Variants in PIP4K2A observed in about 807,000 individuals in gnomAD.
PIP4K2A encodes phosphatidylinositol 5-phosphate 4-kinase type-2 alpha.
PIP4K2A carries 14 observed loss-of-function variants against 42.9 expected under a neutral mutation model. That is an observed-to-expected ratio of 0.33 (90% CI 0.22 to 0.51). The LOEUF (loss-of-function observed/expected upper bound fraction) is 0.51, where lower values mean the gene tolerates loss of function less well. PIP4K2A is among the 20% of genes least tolerant of loss of function. The probability of loss-of-function intolerance (pLI) is 0.97; values close to 1 mark genes in which losing one functional copy is unlikely to be tolerated. For missense variants in PIP4K2A, 434 were observed against 519.8 expected, an observed-to-expected ratio of 0.83 and a Z score of 1.61; for synonymous variants, 192 against 192.2, an observed-to-expected ratio of 1.00 and a Z score of 0.01.
rs961427877 is a variant in PIP4K2A, at chr10:22,536,946, C to T, written c.*255G>A. The stretch of plus-strand genomic sequence containing the variant: ...TTATGACTTTTAAAATGCACACGCG[C>T]GCACACACTCACCCCCCCCCAACAC... On this transcript the variant is annotated 3_prime_UTR_variant, in exon 10 of 10. Transcript: ENST00000376573. The T allele has an allele frequency of 3.0e-5, 12 of 402,546 alleles. No homozygotes were observed. The highest frequency in any genetic ancestry group is 9.8e-5 in the South Asian group (3 of 30,692). 24.9% of individuals were successfully genotyped at this position (402,546 alleles called of 1,614,324 possible).
intron 1 of PIP4K2A, among the ~76,000 whole-genome samples, chr10:22,688,534 C>T (rs1471285306): frequency 1.3e-5 from 2 of 152,174 alleles, no homozygotes; most frequent in Non-Finnish European, 2.9e-5. Flanking sequence ...CTCACTGCAG[C>T]CTTGACCTCC....
intron 6 of PIP4K2A, among the ~76,000 whole-genome samples, chr10:22,562,549 G>GA (rs1039296326): frequency 9.2e-5 from 14 of 151,532 alleles, no homozygotes; most frequent in South Asian, 6.3e-4. Flanking sequence ...ACTCCGTCTC[G>GA]AAAAAAAACA....
At chr10:22,604,183 A>C (rs1257679241) in intron 3 of PIP4K2A, among the ~76,000 whole-genome samples, 1 of 152,224 alleles carries the variant, frequency 6.6e-6, no homozygotes, top group Non-Finnish European at 1.5e-5. Flanking sequence ...GGAAAGATAC[A>C]AATGTTTACT....
At chr10:22,678,000 A>G (rs867533229) in intron 1 of PIP4K2A, among the ~76,000 whole-genome samples, 1 of 152,206 alleles carries the variant, frequency 6.6e-6, no homozygotes, top group Non-Finnish European at 1.5e-5. Context: ...GCTCCTCTAA[A>G]TGAATAGCTG....
At chr10:22,588,029 G>C (rs995635674) in intron 4 of PIP4K2A, among the ~76,000 whole-genome samples, 4 of 152,130 alleles carry the variant, frequency 2.6e-5, no homozygotes, top group Admixed American at 2.6e-4. Flanking sequence ...GGAATTCTCT[G>C]ATCATGTAAT....
chr10:22,710,682 G>A (rs1564474714), intron 1 of PIP4K2A, among the ~76,000 whole-genome samples: 1 of 151,978 alleles, frequency 6.6e-6, no homozygotes, highest in African/African-American at 2.4e-5. Context: ...ACTGTGATAG[G>A]CCCCCCAAAC....
At chr10:22,539,776 A>G in intron 9 of PIP4K2A, 195 bp downstream of exon 9, 1 of 595,134 alleles carries the variant, frequency 1.7e-6, no homozygotes, top group Non-Finnish European at 3.0e-6. Flanking sequence ...TCAGAACATG[A>G]CTTGCCCCCA....
rs773012225 is a variant in PIP4K2A, at chr10:22,541,905, G to A, written c.935C>T (p.Thr312Ile). ...GESDGTHPVG[T>I]PPDSPGNTLN... The stretch of plus-strand genomic sequence containing the variant: ...TGTATTCCCGGGGCTATCTGGGGGG[G>A]TTCCCACCGGGTGGGTGCCATCGCT... Residue 312 changes from threonine (T) to isoleucine (I), a missense_variant, in exon 8 of 10, where the codon ACC becomes ATC. By Grantham distance (89) the Thr-to-Ile change is moderately conservative (BLOSUM62 -1). Coordinates refer to ENST00000376573, the MANE Select transcript of PIP4K2A (RefSeq NM_005028.5). 4 of 1,613,932 alleles carry A rather than the reference G, an allele frequency of 2.5e-6. No homozygotes were observed. Among genetic ancestry groups the A allele is most frequent in the Middle Eastern group, 1.7e-4 (1 of 6,058 alleles).
intron 1 of PIP4K2A, among the ~76,000 whole-genome samples, chr10:22,633,783 C>T (rs1320369996): frequency 6.6e-6 from 1 of 152,184 alleles, no homozygotes; most frequent in Non-Finnish European, 1.5e-5. Context: ...TTTGTTTTCT[C>T]GGATCTTTGC....
intron 5 of PIP4K2A, chr10:22,569,080 T>G: frequency 1.3e-6 from 2 of 1,520,956 alleles, no homozygotes; most frequent in Non-Finnish European, 1.8e-6. Flanking sequence ...AATTTTTGAT[T>G]ACTGGCTTTC....
intron 1 of PIP4K2A, among the ~76,000 whole-genome samples, chr10:22,696,715 A>C (rs1445438395): frequency 6.6e-6 from 1 of 152,198 alleles, no homozygotes; most frequent in Non-Finnish European, 1.5e-5. Context: ...AAGCCTATTC[A>C]GAATGGTCTG....
At chr10:22,562,517 C>A (rs1836736798) in intron 6 of PIP4K2A, among the ~76,000 whole-genome samples, 1 of 152,238 alleles carries the variant, frequency 6.6e-6, no homozygotes, top group African/African-American at 2.4e-5. Context: ...CCACTGCACT[C>A]CAGCCTGGGT....
At chr10:22,639,773 A>G (rs776152828) in intron 1 of PIP4K2A, among the ~76,000 whole-genome samples, 7 of 152,188 alleles carry the variant, frequency 4.6e-5, no homozygotes, top group Non-Finnish European at 1.0e-4. Flanking sequence ...ATTGTTATGA[A>G]CACCATCAAA....
intron 3 of PIP4K2A, among the ~76,000 whole-genome samples, chr10:22,601,145 A>AC (rs1837761077): frequency 7.5e-6 from 1 of 133,192 alleles, no homozygotes; most frequent in Non-Finnish European, 1.6e-5. Context: ...AAAAAAAAAA[A>AC]AAAAAAAAAA....
At chr10:22,580,268 T>C (rs1049429687) in intron 4 of PIP4K2A, among the ~76,000 whole-genome samples, 3 of 152,052 alleles carry the variant, frequency 2.0e-5, no homozygotes, top group Non-Finnish European at 4.4e-5. Flanking sequence ...ATGTTGCTTC[T>C]AGGATCACAA....
chr10:22,566,574 C>T (rs1387966806), intron 6 of PIP4K2A, among the ~76,000 whole-genome samples: 1 of 152,172 alleles, frequency 6.6e-6, no homozygotes, highest in African/African-American at 2.4e-5. Context: ...ATCCCAGCTC[C>T]GGCCAGCATC....
intron 7 of PIP4K2A, among the ~76,000 whole-genome samples, chr10:22,544,854 T>A (rs1836223091): frequency 6.6e-6 from 1 of 152,166 alleles, no homozygotes; most frequent in African/African-American, 2.4e-5. Context: ...TGGGGGCAGG[T>A]ACTTCCTCCT....
At chr10:22,578,505 T>C (rs1475320729) in intron 4 of PIP4K2A, among the ~76,000 whole-genome samples, 2 of 152,222 alleles carry the variant, frequency 1.3e-5, no homozygotes, top group Non-Finnish European at 2.9e-5. Flanking sequence ...TGTGTTCTCC[T>C]GGCAGTCCTC....
chr10:22,611,123 T>C (rs1181866732), intron 1 of PIP4K2A, among the ~76,000 whole-genome samples: 1 of 152,136 alleles, frequency 6.6e-6, no homozygotes, highest in Non-Finnish European at 1.5e-5. Context: ...GCACAGCAGC[T>C]CATATATGTA....
Sources: gnomAD v4.1 joint callset for allele counts (sites outside exome capture counted in the v4.1 genomes callset) on GRCh38, gnomAD v4.1.1 for gene constraint, MANE v1.5 for transcripts, NCBI Gene and HGNC (gene_info 2026-07-23, HGNC 2026-07-21) for gene names.